Variants in ATP7A observed in about 807,000 individuals in gnomAD.
ATP7A encodes copper-transporting ATPase 1.
ATP7A carries 7 observed loss-of-function variants against 83.5 expected under a neutral mutation model. The observed-to-expected ratio is 0.08, with a 90% CI of 0.05 to 0.16. The LOEUF (loss-of-function observed/expected upper bound fraction) is 0.16, where lower values mean the gene tolerates loss of function less well. ATP7A is among the 10% of genes least tolerant of loss of function. The pLI, the probability that ATP7A is intolerant of heterozygous loss-of-function variation, is 1.00. For synonymous variants in ATP7A, 354 were observed against 395.2 expected (o/e 0.90, Z 1.24); for missense variants, 940 against 1,120.8 (o/e 0.84, Z 2.30).
At position 78,011,128 on chromosome X, in the gene ATP7A, A is replaced by G. The variant is rs369323221; in HGVS notation, c.1870-48A>G. The G allele has an allele frequency of 3.3e-5, 36 of 1,077,218 alleles. No homozygotes were observed. In the African/African-American group the frequency reaches 6.4e-4, roughly 19 times the overall value. The allele number at this position is 1,077,218 out of a possible 1,213,427, so 88.8% of individuals were successfully genotyped here. ...CCATGGCTTAGAATTTCTCTATACA[A>G]TATTTATATGTTCAGTGAAATAATT... On this transcript the variant is annotated intron_variant, in intron 7 of 22. Transcript: ENST00000341514.
intron 14 of ATP7A, among the ~76,000 whole-genome samples, chrX:78,022,617 A>G (rs782340707): frequency 3.6e-5 from 4 of 109,715 alleles, no homozygotes; most frequent in African/African-American, 9.9e-5. Context: ...TCCCAGGTTC[A>G]AGTGATTCTC....
intron 1 of ATP7A, among the ~76,000 whole-genome samples, chrX:77,967,424 G>A (rs2077514735): frequency 8.9e-6 from 1 of 111,874 alleles, no homozygotes; most frequent in Non-Finnish European, 1.9e-5. Flanking sequence ...ATTGTTTCCT[G>A]AGTTTTTAAT....
intron 6 of ATP7A, among the ~76,000 whole-genome samples, chrX:78,007,356 C>T (rs1557233844): frequency 9.1e-6 from 1 of 110,108 alleles, no homozygotes; most frequent in African/African-American, 3.3e-5. Flanking sequence ...GACGGAGTCT[C>T]GCTCTGTCGC....
chrX:78,027,832 AT>A (rs1452533424), intron 14 of ATP7A, among the ~76,000 whole-genome samples: 1 of 110,476 alleles, frequency 9.1e-6, no homozygotes, highest in African/African-American at 3.3e-5. Flanking sequence ...AAAACAAGCA[AT>A]GGGGAAAGGA....
chrX:77,917,533 A>T (rs1204635960), intron 1 of ATP7A, among the ~76,000 whole-genome samples: 1 of 112,006 alleles, frequency 8.9e-6, no homozygotes, highest in African/African-American at 3.2e-5. Context: ...TGCCAGTAGG[A>T]AGTCCAAGGA....
intron 2 of ATP7A, among the ~76,000 whole-genome samples, chrX:77,978,893 G>A (rs910422173): frequency 2.2e-4 from 24 of 111,333 alleles, no homozygotes; most frequent in African/African-American, 6.8e-4. Context: ...ATGCGATGGT[G>A]CGATCTCGGC....
intron 1 of ATP7A, among the ~76,000 whole-genome samples, chrX:77,927,592 C>G (rs1196363064): frequency 2.7e-5 from 3 of 111,563 alleles, no homozygotes; most frequent in African/African-American, 9.8e-5. Flanking sequence ...CCTTTCCTCC[C>G]CTTTGAATAT....
chrX:77,965,736 A>G (rs1259935241), intron 1 of ATP7A, among the ~76,000 whole-genome samples: 1 of 112,383 alleles, frequency 8.9e-6, no homozygotes, highest in East Asian at 2.8e-4. Flanking sequence ...AAAGATGGAA[A>G]CAACCCAAAT....
At chrX:78,009,725 A>T (rs1192183197) in intron 7 of ATP7A, among the ~76,000 whole-genome samples, 1 of 112,056 alleles carries the variant, frequency 8.9e-6, no homozygotes, top group Non-Finnish European at 1.9e-5. Flanking sequence ...TGAGAGGCCT[A>T]GAGGGCACAA....
At chrX:77,932,277 G>T (rs1455494715) in intron 1 of ATP7A, among the ~76,000 whole-genome samples, 1 of 105,184 alleles carries the variant, frequency 9.5e-6, no homozygotes, top group Non-Finnish European at 1.9e-5. Context: ...GGGCGGCGGG[G>T]CAGAGGTGCT....
intron 14 of ATP7A, among the ~76,000 whole-genome samples, chrX:78,028,896 GT>G (rs2077964431): frequency 8.9e-6 from 1 of 111,980 alleles, no homozygotes; most frequent in Non-Finnish European, 1.9e-5. Flanking sequence ...CAGAATTATG[GT>G]TTTACTCTAC....
chrX:77,968,242 G>T (rs1358611998), intron 1 of ATP7A, among the ~76,000 whole-genome samples: 1 of 111,126 alleles, frequency 9.0e-6, no homozygotes, highest in African/African-American at 3.3e-5. Flanking sequence ...ACCACATGTG[G>T]GACTATTTCA....
chrX:78,022,505 G>GTTTATTTATTTA (rs34027769), intron 14 of ATP7A, among the ~76,000 whole-genome samples: 98 of 95,804 alleles, frequency 1.0e-3, no homozygotes, highest in East Asian at 2.3e-3. Context: ...TTGTTTGTTT[G>GTTTATTTATTTA]TTTATTTATT....
chrX:77,950,007 C>T (rs2077404302), intron 1 of ATP7A, among the ~76,000 whole-genome samples: 1 of 111,850 alleles, frequency 8.9e-6, no homozygotes, highest in South Asian at 3.7e-4. Context: ...GAGACTAAAA[C>T]AGGCCAAGGA....
At chrX:77,999,776 T>C (rs903179197) in intron 5 of ATP7A, among the ~76,000 whole-genome samples, 13 of 110,473 alleles carry the variant, frequency 1.2e-4, no homozygotes, top group African/African-American at 4.3e-4. Flanking sequence ...TAGTGGCGCA[T>C]GCCTGGAGTC....
intron 16 of ATP7A, among the ~76,000 whole-genome samples, chrX:78,032,071 G>A (rs781788261): frequency 1.8e-5 from 2 of 111,997 alleles, no homozygotes; most frequent in African/African-American, 3.2e-5. Context: ...TCTGTTAACC[G>A]TTTTTAATGC....
intron 1 of ATP7A, chrX:77,963,319 C>T: frequency 8.8e-6 from 1 of 113,018 alleles, no homozygotes; most frequent in South Asian, 3.7e-4. Flanking sequence ...GCTGAGTTCT[C>T]TAGGCAAATG....
At chrX:77,968,041 G>T (rs1410032097) in intron 1 of ATP7A, among the ~76,000 whole-genome samples, 5 of 110,732 alleles carry the variant, frequency 4.5e-5, no homozygotes, top group African/African-American at 1.3e-4. Context: ...GGGCCCATGT[G>T]GCAGGGTCAA....
At chrX:77,958,785 G>GTTTTT (rs1312033727) in intron 1 of ATP7A, among the ~76,000 whole-genome samples, 2 of 84,440 alleles carry the variant, frequency 2.4e-5, no homozygotes, top group Admixed American at 1.3e-4. Flanking sequence ...ATGTTTTATA[G>GTTTTT]TTTTTTTTTT....
Sources: gnomAD v4.1 joint callset for allele counts (sites outside exome capture counted in the v4.1 genomes callset) on GRCh38, gnomAD v4.1.1 for gene constraint, MANE v1.5 for transcripts, NCBI Gene and HGNC (gene_info 2026-07-23, HGNC 2026-07-21) for gene names.